BASP1: variants seen among roughly 807,000 people sequenced by gnomAD.
The protein encoded by BASP1 is brain abundant membrane attached signal protein 1.
A neutral mutation model predicts 2.2 loss-of-function variants in BASP1; 1 was observed. The observed-to-expected ratio is 0.46, with a 90% CI of 0.16 to 2.17. The LOEUF is 2.17. BASP1 is among the 30% of genes most tolerant of loss of function. The pLI is 0.27. For missense variants in BASP1, 352 were observed against 327.2 expected, an observed-to-expected ratio of 1.08 and a Z score of -0.58; for synonymous variants, 187 against 154.2, an observed-to-expected ratio of 1.21 and a Z score of -1.58.
chr5:17,247,985 C>T (rs1249175411), intron 1 of BASP1, among the ~76,000 whole-genome samples: 2 of 152,136 alleles, frequency 1.3e-5, no homozygotes, highest in Non-Finnish European at 2.9e-5. Context: ...TATGTGTAGA[C>T]TGGCCATAGC....
intron 1 of BASP1, among the ~76,000 whole-genome samples, chr5:17,262,885 C>T (rs373219699): frequency 1.1e-4 from 16 of 150,982 alleles, no homozygotes; most frequent in African/African-American, 2.7e-4. Flanking sequence ...CTTGCTCTGG[C>T]GCCCAGGCTG....
intron 1 of BASP1, among the ~76,000 whole-genome samples, chr5:17,221,101 A>G (rs1739385339): frequency 6.6e-6 from 1 of 152,222 alleles, no homozygotes; most frequent in African/African-American, 2.4e-5. Flanking sequence ...ATATTATTTT[A>G]TAGTGCTTTG....
upstream of BASP1, among the ~76,000 whole-genome samples, chr5:17,217,400 G>C (rs1739273811): frequency 1.3e-4 from 1 of 7,628 alleles, no homozygotes; most frequent in Admixed American, 7.1e-4. Context: ...GAGGGTCTGC[G>C]CCGGAGGAGG....
intron 1 of BASP1, among the ~76,000 whole-genome samples, chr5:17,252,916 A>G (rs998721383): frequency 2.0e-5 from 3 of 152,224 alleles, no homozygotes; most frequent in Non-Finnish European, 4.4e-5. Context: ...TTTCCCAGCC[A>G]TGCAGTTTCT....
intron 1 of BASP1, among the ~76,000 whole-genome samples, chr5:17,259,794 T>C (rs923445565): frequency 1.3e-5 from 2 of 152,224 alleles, no homozygotes; most frequent in Non-Finnish European, 2.9e-5. Flanking sequence ...GGTGGCCACA[T>C]TGATCGAGCC....
chr5:17,234,132 AAAACAAAC>A (rs994719398), intron 1 of BASP1, among the ~76,000 whole-genome samples: 3 of 152,166 alleles, frequency 2.0e-5, no homozygotes, highest in Non-Finnish European at 4.4e-5. Flanking sequence ...CTCAGTCTCA[AAAACAAAC>A]AAACAAACAA....
chr5:17,256,262 G>C (rs752084963), intron 1 of BASP1, among the ~76,000 whole-genome samples: 1 of 152,174 alleles, frequency 6.6e-6, no homozygotes, highest in Non-Finnish European at 1.5e-5. Flanking sequence ...TTTTTCTGTT[G>C]TAGTTTATTT....
intron 1 of BASP1, among the ~76,000 whole-genome samples, chr5:17,270,046 G>A (rs1039893953): frequency 2.0e-5 from 3 of 152,020 alleles, no homozygotes; most frequent in African/African-American, 7.2e-5. Flanking sequence ...TGTTGCCCAG[G>A]GTGGAGTGCA....
At chr5:17,248,505 T>G (rs1340706688) in intron 1 of BASP1, among the ~76,000 whole-genome samples, 2 of 152,230 alleles carry the variant, frequency 1.3e-5, no homozygotes, top group African/African-American at 4.8e-5. Context: ...AGAAAATATC[T>G]GTTTCAGCCC....
At chr5:17,266,360 C>T (rs1740414939) in intron 1 of BASP1, among the ~76,000 whole-genome samples, 1 of 152,274 alleles carries the variant, frequency 6.6e-6, no homozygotes, top group African/African-American at 2.4e-5. Context: ...TCCTTCGCCA[C>T]CTCTCCCTCC....
At chr5:17,227,441 G>T (rs886808944) in intron 1 of BASP1, among the ~76,000 whole-genome samples, 6 of 150,904 alleles carry the variant, frequency 4.0e-5, no homozygotes, top group Admixed American at 4.0e-4. Context: ...TCGCCGTGTC[G>T]CCCAGGCTGG....
At chr5:17,240,206 C>T (rs902665311) in intron 1 of BASP1, among the ~76,000 whole-genome samples, 15 of 151,940 alleles carry the variant, frequency 9.9e-5, no homozygotes, top group Non-Finnish European at 1.3e-4. Context: ...TGGGGTGAGC[C>T]GTGATCATGC....
chr5:17,235,409 C>T lies in BASP1; in HGVS notation c.-10+17599C>T, dbSNP rs948047501. Among the ~76,000 whole-genome samples the T allele has an allele frequency of 4.0e-5, 6 of 151,750 alleles. No individual in the cohort carries two copies. The East Asian group carries it at 7.7e-4, about 20-fold the overall frequency. ...CCGAGTAGCTGGGATTACAGGTGCC[C>T]GCCACCAGGCCGGGCTAATTTTTTT... On this transcript the variant is annotated intron_variant, in intron 1 of 1. Transcript: ENST00000322611.
intron 1 of BASP1, among the ~76,000 whole-genome samples, chr5:17,245,633 G>A (rs1290020527): frequency 2.0e-5 from 3 of 150,770 alleles, no homozygotes; most frequent in African/African-American, 7.3e-5. Flanking sequence ...TAGGCTCTGT[G>A]TAGAAAGTTA....
rs536495338 is a variant in BASP1 at position 17,251,862 on chromosome 5, G to T, written c.-9-23346G>T. Reference sequence around the variant, plus strand: ...GCTCACTTGGGGAAATGTTGAGTTTGAAGGACATCCTGTTGGGTCAGTTGT... The same window carrying T: ...GCTCACTTGGGGAAATGTTGAGTTTTAAGGACATCCTGTTGGGTCAGTTGT... On this transcript the variant is annotated intron_variant, in intron 1 of 1. Coordinates refer to ENST00000322611, the MANE Select transcript of BASP1 (RefSeq NM_006317.5). The surrounding 1 kb of genome is among the most constrained non-coding windows in gnomAD (Gnocchi z 4.0). Among the ~76,000 whole-genome samples, 33 of 152,272 alleles carry T rather than the reference G, an allele frequency of 2.2e-4. No homozygotes were observed. In the South Asian group the frequency reaches 6.6e-3, roughly 31 times the overall value.
At chr5:17,273,794 T>A (rs939035427) in intron 1 of BASP1, among the ~76,000 whole-genome samples, 9 of 152,314 alleles carry the variant, frequency 5.9e-5, no homozygotes, top group African/African-American at 1.9e-4. Context: ...CTAACCTCCC[T>A]TGGGGTCCAG....
intron 1 of BASP1, among the ~76,000 whole-genome samples, chr5:17,255,130 G>A (rs1159735511): frequency 6.6e-6 from 1 of 151,966 alleles, no homozygotes; most frequent in Non-Finnish European, 1.5e-5. Context: ...TAAAAGATTT[G>A]GACCTGCAAA....
chr5:17,271,490 T>G (rs555477695), intron 1 of BASP1, among the ~76,000 whole-genome samples: 1 of 152,202 alleles, frequency 6.6e-6, no homozygotes, highest in Non-Finnish European at 1.5e-5. Context: ...TAGTGTTTGG[T>G]TAATACATAA....
chr5:17,275,285 C>A lies in BASP1; in HGVS notation c.69C>A (p.Asp23Glu), dbSNP rs771707665. 3.7e-6 allele frequency: 6 copies of A among 1,613,814 alleles called. No individual in the cohort carries two copies. The highest frequency in any genetic ancestry group is 5.1e-6 in the Non-Finnish European group (6 of 1,180,002). ...NVNDEKAKEK[D>E]KKAEGAATEE... The stretch of plus-strand genomic sequence containing the variant: ...ACGACGAGAAAGCCAAGGAGAAAGA[C>A]AAGAAGGCCGAGGGCGCGGCGACGG... The change falls in exon 2 of 2, where the codon GAC becomes GAA. Residue 23 changes from aspartate to glutamate, a missense_variant. Asp to Glu is a conservative substitution (Grantham distance 45). Transcript: ENST00000322611. This position sits in a 1 kb window ranked among gnomAD's most constrained non-coding sequence, Gnocchi z 5.3.
Sources: allele counts gnomAD v4.1 joint callset (sites outside exome capture counted in the v4.1 genomes callset), GRCh38; gene constraint gnomAD v4.1.1; non-coding constraint Gnocchi (gnomAD v3.1); transcripts MANE v1.5; gene names NCBI Gene and HGNC (gene_info 2026-07-23, HGNC 2026-07-21).